Variants in LRP1B observed in about 807,000 individuals in gnomAD.
LRP1B encodes the protein LDL receptor related protein 1B.
Under a neutral mutation model 556.6 loss-of-function variants are expected in LRP1B, and 217 were observed. The observed-to-expected ratio is 0.39, with a 90% confidence interval of 0.35 to 0.44. The LOEUF (loss-of-function observed/expected upper bound fraction) is 0.44, where lower values mean the gene tolerates loss of function less well. LRP1B is among the 20% of genes least tolerant of loss of function. The pLI is 1.00. For missense variants in LRP1B, 5,053 were observed against 5,620.8 expected, an observed-to-expected ratio of 0.90 and a Z score of 3.23; for synonymous variants, 2,047 against 1,865.8, an observed-to-expected ratio of 1.10 and a Z score of -2.50.
At chr2:141,082,129 TCTTATTTTAATTTTTGAATA>T (rs1398539116) in intron 7 of LRP1B, among the ~76,000 whole-genome samples, 1 of 41,068 alleles carries the variant, frequency 2.4e-5, no homozygotes, top group Non-Finnish European at 6.8e-5. Flanking sequence ...CCAAGACAAT[TCTTATTTTAATTTTTGAATA>T]AATAATTGAA....
At chr2:141,810,171 A>G (rs1425298985) in intron 2 of LRP1B, 108 bp downstream of exon 2, 1 of 830,672 alleles carries the variant, frequency 1.2e-6, no homozygotes, top group African/African-American at 2.0e-5. Context: ...GAAAGAAGGA[A>G]AGAAAGAAAG....
intron 63 of LRP1B, among the ~76,000 whole-genome samples, chr2:140,449,437 A>G (rs1276858562): frequency 2.6e-5 from 4 of 152,152 alleles, no homozygotes; most frequent in Non-Finnish European, 5.9e-5. Context: ...CTTATCCCAC[A>G]GAGATACTAC....
At chr2:140,451,367 T>G (rs1054243046) in intron 62 of LRP1B, among the ~76,000 whole-genome samples, 1 of 152,186 alleles carries the variant, frequency 6.6e-6, no homozygotes, top group African/African-American at 2.4e-5. Context: ...AAACACTAAA[T>G]AGGGCTAAAA....
chr2:140,343,896 T>C (rs1681521864), intron 77 of LRP1B, among the ~76,000 whole-genome samples: 1 of 151,444 alleles, frequency 6.6e-6, no homozygotes, highest in Admixed American at 6.6e-5. Flanking sequence ...AGAAAACAAA[T>C]CAGTAGTTGC....
intron 49 of LRP1B, 118 bp downstream of exon 49, chr2:140,525,726 T>G: frequency 2.2e-6 from 2 of 891,172 alleles, no homozygotes; most frequent in Non-Finnish European, 3.4e-6. Flanking sequence ...CTGTGCCATT[T>G]AAATTTTAAT....
At chr2:140,439,154 A>T (rs1488092352) in intron 66 of LRP1B, among the ~76,000 whole-genome samples, 1 of 152,172 alleles carries the variant, frequency 6.6e-6, no homozygotes, top group Non-Finnish European at 1.5e-5. Flanking sequence ...TTGAAATAGG[A>T]GAGAGTAGGC....
At chr2:140,405,410 TG>T (rs1684687368) in intron 66 of LRP1B, among the ~76,000 whole-genome samples, 1 of 151,440 alleles carries the variant, frequency 6.6e-6, no homozygotes, top group South Asian at 2.1e-4. Flanking sequence ...AAAACATAAA[TG>T]AAACAAAAAG....
intron 41 of LRP1B, among the ~76,000 whole-genome samples, chr2:140,697,452 G>GT (rs1686472633): frequency 6.8e-6 from 1 of 147,224 alleles, no homozygotes; most frequent in African/African-American, 2.6e-5. Flanking sequence ...CAACACTCTC[G>GT]TTTTTTTCAT....
At chr2:141,082,128 T>C (rs1699938303) in intron 7 of LRP1B, among the ~76,000 whole-genome samples, 1 of 41,238 alleles carries the variant, frequency 2.4e-5, no homozygotes, top group South Asian at 6.0e-4. Context: ...TCCAAGACAA[T>C]TCTTATTTTA....
At chr2:141,584,140 G>A (rs1687047100) in intron 2 of LRP1B, among the ~76,000 whole-genome samples, 1 of 152,002 alleles carries the variant, frequency 6.6e-6, no homozygotes, top group African/African-American at 2.4e-5. Context: ...AGCTACTCAG[G>A]AGGCTGAGGA....
intron 17 of LRP1B, among the ~76,000 whole-genome samples, chr2:140,987,634 G>A (rs1573954975): frequency 6.6e-6 from 1 of 152,052 alleles, no homozygotes; most frequent in East Asian, 1.9e-4. Flanking sequence ...GAAAACAGAT[G>A]ATGTTTGTTT....
chr2:141,034,504 A>C (rs1698471263), intron 11 of LRP1B, among the ~76,000 whole-genome samples: 1 of 152,112 alleles, frequency 6.6e-6, no homozygotes, highest in Non-Finnish European at 1.5e-5. Flanking sequence ...AACTCAAACA[A>C]ATTTACAAGA....
At position 141,186,730 on chromosome 2, in the gene LRP1B, C is replaced by T. The variant is rs149060752; in HGVS notation, c.1013+1691G>A. ...TGTGGGGGTTTTCTACTCTTAATTCCTGTGACAAAAATGATAAAATATGGT... is the reference window on the plus strand; with the variant it reads ...TGTGGGGGTTTTCTACTCTTAATTCTTGTGACAAAAATGATAAAATATGGT... On this transcript the variant is annotated intron_variant, in intron 7 of 90. Transcript: ENST00000389484. Among the ~76,000 whole-genome samples, 679 of 152,082 alleles carry T rather than the reference C, an allele frequency of 4.5e-3. 6 individuals carry two copies. Among genetic ancestry groups the T allele is most frequent in the African/African-American group, 0.016 (648 of 41,532 alleles).
At chr2:141,947,690 C>T (rs1161545868) in intron 1 of LRP1B, among the ~76,000 whole-genome samples, 3 of 151,880 alleles carry the variant, frequency 2.0e-5, no homozygotes, top group Non-Finnish European at 4.4e-5. Flanking sequence ...CCAGGCAAAA[C>T]TTCAGTGAAA....
chr2:140,405,581 T>C (rs1684696251), intron 66 of LRP1B, among the ~76,000 whole-genome samples: 1 of 152,018 alleles, frequency 6.6e-6, no homozygotes, highest in African/African-American at 2.4e-5. Context: ...CATTTATGCA[T>C]AGAAACTAGA....
chr2:141,391,421 G>A (rs1690044652), intron 3 of LRP1B, among the ~76,000 whole-genome samples: 1 of 152,108 alleles, frequency 6.6e-6, no homozygotes, highest in South Asian at 2.1e-4. Context: ...CAAGAAGGGA[G>A]CACAAACATG....
intron 2 of LRP1B, among the ~76,000 whole-genome samples, chr2:141,725,923 A>G (rs1693012532): frequency 6.6e-6 from 1 of 151,890 alleles, no homozygotes. Context: ...CTACTTTGCA[A>G]ATTGAGAAAC....
chr2:141,258,533 G>T (rs574773621), intron 3 of LRP1B, among the ~76,000 whole-genome samples: 15 of 152,070 alleles, frequency 9.9e-5, no homozygotes, highest in African/African-American at 1.7e-4. Flanking sequence ...AATCCAATTC[G>T]TGAAGATTCC....
intron 2 of LRP1B, among the ~76,000 whole-genome samples, chr2:141,544,969 C>G (rs1250095421): frequency 6.6e-6 from 1 of 152,064 alleles, no homozygotes; most frequent in Non-Finnish European, 1.5e-5. Context: ...CAGAGCCAAA[C>G]CATATCATTC....
Sources: allele counts gnomAD v4.1 joint callset (sites outside exome capture counted in the v4.1 genomes callset), GRCh38; gene constraint gnomAD v4.1.1; transcripts MANE v1.5; gene names NCBI Gene and HGNC (gene_info 2026-07-23, HGNC 2026-07-21).